ZNF407: variants seen among roughly 807,000 people sequenced by gnomAD.
ZNF407 encodes zinc finger protein 407.
In ZNF407, 17 loss-of-function variants were observed where a neutral mutation model predicts 131.2. That is an observed-to-expected ratio of 0.13 (90% CI 0.09 to 0.19). The LOEUF (loss-of-function observed/expected upper bound fraction) is 0.19, where lower values mean the gene tolerates loss of function less well. Ranked by LOEUF, ZNF407 falls within the 10% of genes least tolerant of loss-of-function variation. ZNF407 has a pLI of 1.00. For missense variants in ZNF407, 2,681 were observed against 2,830.6 expected, an observed-to-expected ratio of 0.95 and a Z score of 1.20; for synonymous variants, 1,156 against 1,062.0, an observed-to-expected ratio of 1.09 and a Z score of -1.72.
intron 3 of ZNF407, among the ~76,000 whole-genome samples, chr18:74,729,211 C>T (rs896696123): frequency 6.6e-6 from 1 of 152,052 alleles, no homozygotes; most frequent in East Asian, 1.9e-4. Flanking sequence ...AGTGATGGTC[C>T]GTGGAAGAGA....
chr18:74,808,988 C>G (rs1970154794), intron 4 of ZNF407, among the ~76,000 whole-genome samples: 1 of 152,140 alleles, frequency 6.6e-6, no homozygotes, highest in African/African-American at 2.4e-5. Context: ...CAATGTGGAG[C>G]TAACACAGAC....
intron 3 of ZNF407, among the ~76,000 whole-genome samples, chr18:74,652,701 G>A (rs1452137609): frequency 1.3e-5 from 2 of 151,920 alleles, no homozygotes; most frequent in Non-Finnish European, 1.5e-5. Context: ...TTCCCGAGGT[G>A]CTTCCTCCCT....
intron 7 of ZNF407, among the ~76,000 whole-genome samples, chr18:74,914,616 T>C (rs1488452680): frequency 1.3e-5 from 2 of 152,298 alleles, no homozygotes; most frequent in East Asian, 3.9e-4. Flanking sequence ...ACTAACCTCA[T>C]TTTTTAGTTA....
At chr18:74,710,411 G>T (rs1967730183) in intron 3 of ZNF407, among the ~76,000 whole-genome samples, 1 of 152,176 alleles carries the variant, frequency 6.6e-6, no homozygotes, top group Non-Finnish European at 1.5e-5. Flanking sequence ...AATTGCACAT[G>T]TTCTTCCTGT....
intron 4 of ZNF407, among the ~76,000 whole-genome samples, chr18:74,831,628 G>A (rs936128704): frequency 9.2e-5 from 14 of 152,142 alleles, no homozygotes; most frequent in Admixed American, 4.6e-4. Flanking sequence ...ATATTACACC[G>A]TGTGTAAATA....
chr18:74,834,834 T>G (rs1970533399), intron 4 of ZNF407, among the ~76,000 whole-genome samples: 1 of 152,194 alleles, frequency 6.6e-6, no homozygotes, highest in African/African-American at 2.4e-5. Flanking sequence ...TTTACACTGT[T>G]AGATGCCTTC....
At chr18:74,882,084 C>T (rs1011836293) in intron 6 of ZNF407, among the ~76,000 whole-genome samples, 3 of 152,186 alleles carry the variant, frequency 2.0e-5, no homozygotes, top group African/African-American at 7.2e-5. Context: ...AGGTCTCTCC[C>T]ACAACATGTG....
chr18:74,845,223 G>A (rs986975914), intron 4 of ZNF407, among the ~76,000 whole-genome samples: 2 of 152,170 alleles, frequency 1.3e-5, no homozygotes, highest in Non-Finnish European at 2.9e-5. Flanking sequence ...TGATATGTTG[G>A]TGATGCTAAA....
In ZNF407 at chr18:74,993,339, C is replaced by G. The variant is rs1364863100; in HGVS notation, c.5429-69811C>G. On this transcript the variant is annotated intron_variant, in intron 8 of 8. Transcript: ENST00000299687. Reference sequence around the variant, plus strand: ...TAAAAATGAAGGCACTATGGATGCACTACATTATGGATGAGTCTCAAAAGT... The same window carrying G: ...TAAAAATGAAGGCACTATGGATGCAGTACATTATGGATGAGTCTCAAAAGT... 2.6e-5 allele frequency among the ~76,000 whole-genome samples: 4 copies of G among 152,162 alleles called. No individual in the cohort carries two copies. The East Asian group carries it at 5.8e-4, about 22-fold the overall frequency.
chr18:74,966,613 G>A (rs760514068), intron 8 of ZNF407, among the ~76,000 whole-genome samples: 1 of 152,046 alleles, frequency 6.6e-6, no homozygotes. Context: ...CTCCAGTTTT[G>A]TTATTTTTGC....
At chr18:74,842,935 T>C (rs1191949327) in intron 4 of ZNF407, among the ~76,000 whole-genome samples, 1 of 152,114 alleles carries the variant, frequency 6.6e-6, no homozygotes, top group Non-Finnish European at 1.5e-5. Flanking sequence ...CAGGCTTCTC[T>C]CGAACTCCTG....
chr18:74,950,441 T>C (rs1270994045), intron 8 of ZNF407, among the ~76,000 whole-genome samples: 10 of 152,168 alleles, frequency 6.6e-5, no homozygotes, highest in African/African-American at 1.9e-4. Flanking sequence ...AATGCCCTCT[T>C]GAACAGTAGC....
At chr18:75,017,588 A>G (rs1031193997) in intron 8 of ZNF407, among the ~76,000 whole-genome samples, 1 of 152,178 alleles carries the variant, frequency 6.6e-6, no homozygotes, top group African/African-American at 2.4e-5. Flanking sequence ...AGGTTGGTGC[A>G]TAACACTTCA....
At chr18:74,848,301 G>A (rs1038206411) in intron 4 of ZNF407, among the ~76,000 whole-genome samples, 1 of 151,658 alleles carries the variant, frequency 6.6e-6, no homozygotes, top group African/African-American at 2.4e-5. Context: ...TTGAAATAAG[G>A]TCAGCAGAGT....
At chr18:74,876,844 A>G (rs1272250042) in intron 4 of ZNF407, among the ~76,000 whole-genome samples, 1 of 152,184 alleles carries the variant, frequency 6.6e-6, no homozygotes, top group Admixed American at 6.5e-5. Context: ...TGAGTGGTTG[A>G]GTATGGATAG....
intron 3 of ZNF407, among the ~76,000 whole-genome samples, chr18:74,656,132 T>C (rs1209575748): frequency 1.3e-5 from 2 of 152,150 alleles, no homozygotes; most frequent in Non-Finnish European, 2.9e-5. Flanking sequence ...TGGGCCACAA[T>C]TGTAACTAAT....
In ZNF407 at chr18:75,064,743, G is replaced by T. The variant is rs1047630297; in HGVS notation, c.*275G>T. The T allele has an allele frequency of 1.4e-5, 5 of 367,818 alleles. No homozygotes were observed. The highest frequency in any genetic ancestry group is 1.2e-4 in the Admixed American group (3 of 24,224). 22.8% of individuals were successfully genotyped at this position (367,818 alleles called of 1,614,324 possible). A position where few individuals can be genotyped will look rare whatever the true frequency, so the allele number is the denominator to read the frequency against. ...AGCTCCGGTCCACTGGGGGCCCTTC[G>T]ATCAGTGGCCTCCCGCTTCGTCCTG... On this transcript the variant is annotated 3_prime_UTR_variant, in exon 9 of 9. Coordinates refer to ENST00000299687, the MANE Select transcript of ZNF407 (RefSeq NM_017757.3).
At chr18:74,897,553 A>G (rs1369766794) in intron 7 of ZNF407, among the ~76,000 whole-genome samples, 3 of 152,216 alleles carry the variant, frequency 2.0e-5, no homozygotes, top group African/African-American at 7.2e-5. Flanking sequence ...ATTACTATGG[A>G]CAGTCCCTTG....
chr18:74,941,410 C>T (rs1972097660), intron 8 of ZNF407, among the ~76,000 whole-genome samples: 1 of 152,120 alleles, frequency 6.6e-6, no homozygotes, highest in Non-Finnish European at 1.5e-5. Flanking sequence ...ACATTTGCTC[C>T]ACAGGAACCT....
Sources: gnomAD v4.1 joint callset for allele counts (sites outside exome capture counted in the v4.1 genomes callset) on GRCh38, gnomAD v4.1.1 for gene constraint, MANE v1.5 for transcripts, NCBI Gene and HGNC (gene_info 2026-07-23, HGNC 2026-07-21) for gene names.